PLPPR1: variants seen among roughly 807,000 people sequenced by gnomAD.
PLPPR1 encodes the protein phospholipid phosphatase-related protein type 1.
A neutral mutation model predicts 33.1 loss-of-function variants in PLPPR1; 10 were observed. That is an observed-to-expected ratio of 0.30 (90% CI 0.19 to 0.51). The LOEUF is 0.51. PLPPR1 is among the 20% of genes least tolerant of loss of function. The pLI is 0.97. For missense variants in PLPPR1, 304 were observed against 408.1 expected (o/e 0.74, Z 2.20); for synonymous variants, 151 against 151.0 (o/e 1.00, Z 0.00).
At chr9:101,299,042 A>G (rs964772452) in intron 4 of PLPPR1, among the ~76,000 whole-genome samples, 2 of 152,198 alleles carry the variant, frequency 1.3e-5, no homozygotes, top group Non-Finnish European at 2.9e-5. Flanking sequence ...TAGTCTAAAG[A>G]TAAGTGACAG....
At chr9:101,150,595 A>G (rs1831569811) in intron 1 of PLPPR1, among the ~76,000 whole-genome samples, 1 of 152,120 alleles carries the variant, frequency 6.6e-6, no homozygotes, top group Admixed American at 6.5e-5. Context: ...AATTTTTGTC[A>G]CTCAAAAATC....
chr9:101,083,046 G>A (rs148942633), intron 1 of PLPPR1, among the ~76,000 whole-genome samples: 28 of 152,182 alleles, frequency 1.8e-4, no homozygotes, highest in African/African-American at 5.1e-4. Context: ...GCTGAGGCCC[G>A]GCCTTTTCTT....
chr9:101,207,178 G>A (rs1338535690), intron 2 of PLPPR1, among the ~76,000 whole-genome samples: 1 of 151,840 alleles, frequency 6.6e-6, no homozygotes, highest in South Asian at 2.1e-4. Flanking sequence ...GCAAAATACT[G>A]AATAAATATT....
At chr9:101,142,658 G>T (rs1431467) in intron 1 of PLPPR1, among the ~76,000 whole-genome samples, 72,325 of 151,992 alleles carry the variant, frequency 0.48, 17,773 homozygotes, top group Non-Finnish European at 0.54. Flanking sequence ...ATCCTTCCAG[G>T]TCTCTCCTAA....
chr9:101,177,829 C>T (rs1020476462), intron 1 of PLPPR1, among the ~76,000 whole-genome samples: 18 of 151,848 alleles, frequency 1.2e-4, no homozygotes, highest in Non-Finnish European at 1.8e-4. Context: ...TGATAATTCC[C>T]AATATTAATT....
chr9:101,299,363 A>AG (rs1828706070), intron 4 of PLPPR1, among the ~76,000 whole-genome samples: 1 of 152,148 alleles, frequency 6.6e-6, no homozygotes, highest in Non-Finnish European at 1.5e-5. Flanking sequence ...GATGCAGGGG[A>AG]GGAAGGATGC....
intron 2 of PLPPR1, among the ~76,000 whole-genome samples, chr9:101,266,327 C>T (rs1245752519): frequency 7.4e-5 from 11 of 147,694 alleles, no homozygotes; most frequent in Non-Finnish European, 1.6e-4. Context: ...ACCGGGAAAG[C>T]GGAGGTTGCA....
intron 3 of PLPPR1, among the ~76,000 whole-genome samples, chr9:101,276,669 T>C (rs1312300919): frequency 2.0e-5 from 3 of 152,254 alleles, no homozygotes; most frequent in Non-Finnish European, 4.4e-5. Context: ...GTATTCACTG[T>C]TCAGATAAAA....
intron 2 of PLPPR1, among the ~76,000 whole-genome samples, chr9:101,237,575 T>C (rs1201367968): frequency 6.7e-6 from 1 of 149,754 alleles, no homozygotes; most frequent in African/African-American, 2.4e-5. Context: ...ATATAGGCTA[T>C]ATATATATTC....
intron 1 of PLPPR1, among the ~76,000 whole-genome samples, chr9:101,129,136 C>T (rs549794340): frequency 3.6e-4 from 55 of 152,144 alleles, no homozygotes; most frequent in African/African-American, 1.3e-3. Flanking sequence ...TTCTTTAGTG[C>T]TCCCATGCCC....
chr9:101,061,902 T>C (rs954263498), intron 1 of PLPPR1, among the ~76,000 whole-genome samples: 1 of 151,904 alleles, frequency 6.6e-6, no homozygotes, highest in Non-Finnish European at 1.5e-5. Flanking sequence ...GGTGAGAAAA[T>C]CAAGAAATAA....
At chr9:101,128,621 C>T (rs997324483) in intron 1 of PLPPR1, among the ~76,000 whole-genome samples, 2 of 152,086 alleles carry the variant, frequency 1.3e-5, no homozygotes, top group South Asian at 4.2e-4. Context: ...TTGATGTGCC[C>T]AAGTTAATCT....
chr9:101,043,523 G>A (rs1255423774), intron 1 of PLPPR1, among the ~76,000 whole-genome samples: 1 of 151,484 alleles, frequency 6.6e-6, no homozygotes, highest in African/African-American at 2.4e-5. Flanking sequence ...ATCAGTCACA[G>A]TTTCTTTATC....
rs78361062 is a variant in PLPPR1 at position 101,093,751 on chromosome 9, T to C, written c.-46+64649T>C. On this transcript the variant is annotated intron_variant, in intron 1 of 7. Transcript: ENST00000374874. ...ACTACCTCTTTTCACTAGATCAGCCTTGGGGCTTTATCATCCCAGAAGTAG... is the reference window on the plus strand; with the variant it reads ...ACTACCTCTTTTCACTAGATCAGCCCTGGGGCTTTATCATCCCAGAAGTAG... Among the ~76,000 whole-genome samples the C allele has an allele frequency of 5.0e-3, 761 of 152,346 alleles. 6 individuals are homozygous for C. The highest frequency in any genetic ancestry group is 0.018 in the African/African-American group (730 of 41,576).
rs200656303 is a variant in PLPPR1, at chr9:101,234,543, AT to A, written c.64-35330del. On this transcript the variant is annotated intron_variant, in intron 2 of 7. Coordinates refer to ENST00000374874, the MANE Select transcript of PLPPR1 (RefSeq NM_207299.2). Reference sequence around the variant, plus strand: ...TACCTTCTCTCCAATCTCCAAGTGTATTTTTTTAAAAAAAAAACAAACAAAA... The same window carrying A: ...TACCTTCTCTCCAATCTCCAAGTGTATTTTTTAAAAAAAAAACAAACAAAA... Among the ~76,000 whole-genome samples, 508 of 151,454 alleles carry A rather than the reference AT, an allele frequency of 3.4e-3. 3 individuals carry two copies. The highest frequency in any genetic ancestry group is 0.012 in the African/African-American group (482 of 41,314).
At chr9:101,257,855 A>G (rs1300137862) in intron 2 of PLPPR1, among the ~76,000 whole-genome samples, 1 of 151,970 alleles carries the variant, frequency 6.6e-6, no homozygotes, top group Non-Finnish European at 1.5e-5. Flanking sequence ...GGATTAATCT[A>G]TTTTTAAATC....
In PLPPR1 at chr9:101,156,522, G is replaced by GCCT. The variant is rs112041561; in HGVS notation, c.-45-28927_-45-28925dup. Among the ~76,000 whole-genome samples, 889 of 134,560 alleles carry GCCT rather than the reference G, an allele frequency of 6.6e-3. 10 individuals are homozygous for GCCT. The highest frequency in any genetic ancestry group is 0.024 in the African/African-American group (822 of 33,926). 88.3% of individuals were successfully genotyped at this position (134,560 alleles called of 152,430 possible). A position where few individuals can be genotyped will look rare whatever the true frequency, so the allele number is the denominator to read the frequency against. ...GCCAAGTTTGCACCATTGCACTCCA[G>GCCT]CCTGGGTGATGGGAGTCAAACCCTG... On this transcript the variant is annotated intron_variant, in intron 1 of 7. Coordinates refer to ENST00000374874, the MANE Select transcript of PLPPR1 (RefSeq NM_207299.2).
intron 4 of PLPPR1, among the ~76,000 whole-genome samples, chr9:101,302,370 A>G (rs752452694): frequency 9.2e-5 from 14 of 152,230 alleles, no homozygotes; most frequent in Non-Finnish European, 1.6e-4. Context: ...CAGATAAATT[A>G]TCTTCATAGG....
At chr9:101,040,701 T>C (rs1403677939) in intron 1 of PLPPR1, among the ~76,000 whole-genome samples, 1 of 152,172 alleles carries the variant, frequency 6.6e-6, no homozygotes, top group Non-Finnish European at 1.5e-5. Flanking sequence ...AATCTTTAAC[T>C]CTTTACTCTG....
Sources: allele counts gnomAD v4.1 joint callset (sites outside exome capture counted in the v4.1 genomes callset), GRCh38; gene constraint gnomAD v4.1.1; transcripts MANE v1.5; gene names NCBI Gene and HGNC (gene_info 2026-07-23, HGNC 2026-07-21).